The following CUL4A variants were observed in gnomAD, a reference collection of about 807,000 sequenced individuals.
CUL4A encodes cullin 4A.
Under a neutral mutation model 95.5 loss-of-function variants are expected in CUL4A, and 16 were observed. That is an observed-to-expected ratio of 0.17 (90% CI 0.11 to 0.25). The LOEUF (loss-of-function observed/expected upper bound fraction) is 0.25. CUL4A is among the 10% of genes least tolerant of loss of function. The pLI, the probability that CUL4A is intolerant of heterozygous loss-of-function variation, is 1.00. For missense variants in CUL4A, 610 were observed against 937.0 expected (o/e 0.65, Z 4.56); for synonymous variants, 380 against 353.1 (o/e 1.08, Z -0.85).
chr13:113,249,748 C>T (rs2041947337), intron 15 of CUL4A, among the ~76,000 whole-genome samples: 1 of 152,146 alleles, frequency 6.6e-6, no homozygotes, highest in Admixed American at 6.5e-5. Flanking sequence ...CCCACCTTCT[C>T]ACCTACACCT....
At position 113,265,743 on chromosome 13, in the gene CUL4A, T is replaced by C. The variant is rs1362702811; in HGVS notation, c.*2161T>C. 1 of 152,244 alleles carries C rather than the reference T, an allele frequency of 6.6e-6. No individual in the cohort carries two copies. The highest frequency in any genetic ancestry group is 1.5e-5 in the Non-Finnish European group (1 of 68,044). The allele number at this position is 152,244 out of a possible 1,614,324, so 9.4% of individuals were successfully genotyped here. ...ATCTATTTATATCTATTCTCTTATT[T>C]AGCAATATTTAATGTTTTATTGTTA... On this transcript the variant is annotated 3_prime_UTR_variant, in exon 20 of 20. Coordinates refer to ENST00000375440, the MANE Select transcript of CUL4A (RefSeq NM_001008895.4).
chr13:113,222,289 C>T (rs909603505), intron 3 of CUL4A, among the ~76,000 whole-genome samples: 3 of 152,044 alleles, frequency 2.0e-5, no homozygotes, highest in Admixed American at 2.0e-4. Flanking sequence ...AGTTAGTGTG[C>T]CTGTGTGTGT....
chr13:113,258,705 A>T (rs550084685), intron 18 of CUL4A, among the ~76,000 whole-genome samples: 1 of 152,354 alleles, frequency 6.6e-6, no homozygotes, highest in African/African-American at 2.4e-5. Flanking sequence ...AGAGGATCAC[A>T]CACATTGACT....
chr13:113,241,981 CA>C (rs2041726289), intron 10 of CUL4A, among the ~76,000 whole-genome samples: 1 of 152,040 alleles, frequency 6.6e-6, no homozygotes, highest in African/African-American at 2.4e-5. Context: ...TAGTGCCCTA[CA>C]CAGACTTTTA....
In CUL4A at chr13:113,232,262, ACCCG is replaced by A. The variant is rs1417582388; in HGVS notation, c.513-911_513-908del. ...CACCACCATTACTGCTGCCACCACT[ACCCG>A]CCCACCACTATTACTGCTGCCACCA... On this transcript the variant is annotated intron_variant, in intron 5 of 19. Coordinates refer to ENST00000375440, the MANE Select transcript of CUL4A (RefSeq NM_001008895.4). Among the ~76,000 whole-genome samples, 141 of 122,450 alleles carry A rather than the reference ACCCG, an allele frequency of 1.2e-3. 49 individuals are homozygous for A. The highest frequency in any genetic ancestry group is 4.4e-3 in the African/African-American group (129 of 29,630). 80.3% of individuals were successfully genotyped at this position (122,450 alleles called of 152,430 possible).
Position 113,209,787 on chromosome 13 carries a change from G to A in CUL4A, c.148+12G>A. The A allele has an allele frequency of 8.5e-7, 1 of 1,177,850 alleles. No homozygotes were observed. Among genetic ancestry groups the A allele is most frequent in the Non-Finnish European group, 1.0e-6 (1 of 953,190 alleles). 73.0% of individuals were successfully genotyped at this position (1,177,850 alleles called of 1,614,324 possible). A position where few individuals can be genotyped will look rare whatever the true frequency, so the allele number is the denominator to read the frequency against. On this transcript the variant is annotated intron_variant, in intron 1 of 19. Transcript: ENST00000375440. ...CAAGAACTTCCGAGGTGGGTGCGGC[G>A]GCCGGGTCGAGGGCCAGGCGCCCCG...
intron 14 of CUL4A, among the ~76,000 whole-genome samples, chr13:113,245,571 A>G (rs552225339): frequency 1.3e-5 from 2 of 152,336 alleles, no homozygotes; most frequent in African/African-American, 4.8e-5. Context: ...TAGATAGATA[A>G]TACATAGACA....
intron 5 of CUL4A, among the ~76,000 whole-genome samples, chr13:113,232,543 G>C (rs1052050242): frequency 1.3e-5 from 2 of 152,248 alleles, no homozygotes; most frequent in African/African-American, 2.4e-5. Context: ...GACAGTAGGA[G>C]TGTTGAAGCA....
At position 113,238,710 on chromosome 13, in the gene CUL4A, A is replaced by G. The variant is rs77574862; in HGVS notation, c.917-723A>G. Among the ~76,000 whole-genome samples the G allele has an allele frequency of 7.7e-3, 1,178 of 152,310 alleles. 20 individuals carry two copies. The highest frequency in any genetic ancestry group is 0.026 in the African/African-American group (1,101 of 41,552). ...TTTGGAGCTCTAGGTGAGGATTGTA[A>G]TTATAGCCCCACCATGTGTTTGCGC... On this transcript the variant is annotated intron_variant, in intron 9 of 19. Coordinates refer to ENST00000375440, the MANE Select transcript of CUL4A (RefSeq NM_001008895.4).
At chr13:113,216,914 A>G (rs1294182107) in intron 2 of CUL4A, among the ~76,000 whole-genome samples, 1 of 152,218 alleles carries the variant, frequency 6.6e-6, no homozygotes, top group East Asian at 1.9e-4. Flanking sequence ...AGGGCTTGCC[A>G]CTTGTTTTGA....
In CUL4A at chr13:113,229,487, T is replaced by C. The variant is rs1398946917; in HGVS notation, c.480T>C (p.Tyr160=). Reference sequence around the variant, plus strand: ...TCTTCCTGTTCTTGGACCGCACCTATGTGCTGCAGAACTCCACGCTGCCCT... The same window carrying C: ...TCTTCCTGTTCTTGGACCGCACCTACGTGCTGCAGAACTCCACGCTGCCCT... ...RSIFLFLDRT[Y]VLQNSTLPSI... is the part of the protein sequence containing the mutation. The change falls in exon 5 of 20, where the codon TAT becomes TAC. Residue 160 remains tyrosine, a synonymous_variant. Coordinates refer to ENST00000375440, the MANE Select transcript of CUL4A (RefSeq NM_001008895.4). 4 of 1,613,648 alleles carry C rather than the reference T, an allele frequency of 2.5e-6. No homozygotes were observed. The highest frequency in any genetic ancestry group is 1.3e-5 in the African/African-American group (1 of 74,956).
intron 2 of CUL4A, among the ~76,000 whole-genome samples, chr13:113,211,854 C>A (rs941918371): frequency 6.6e-5 from 10 of 152,148 alleles, no homozygotes; most frequent in African/African-American, 2.4e-4. Context: ...CTTGTTTTTG[C>A]AAGTGACTGC....
chr13:113,211,144 T>TA (rs1357597529), intron 2 of CUL4A, among the ~76,000 whole-genome samples: 1 of 152,384 alleles, frequency 6.6e-6, no homozygotes, highest in African/African-American at 2.4e-5. Context: ...CCCTGACTCC[T>TA]AGCCCTTGGC....
At chr13:113,208,511 A>G, upstream of CUL4A, 1 of 1,555,638 alleles carries the variant, frequency 6.4e-7, no homozygotes, top group South Asian at 1.2e-5. Context: ...CGGGAAAGGA[A>G]AAGGCCTGAG....
chr13:113,232,183 A>ACTG (rs144952878), intron 5 of CUL4A, among the ~76,000 whole-genome samples: 1 of 1,582 alleles, frequency 6.3e-4, no homozygotes, highest in African/African-American at 8.0e-4. Flanking sequence ...CACCACCATT[A>ACTG]CTGCTGCCAC....
At chr13:113,208,936 T>C, upstream of CUL4A, 2 of 1,298,306 alleles carry the variant, frequency 1.5e-6, no homozygotes, top group East Asian at 7.2e-5. Context: ...ACGGCTAAAC[T>C]GCCTTTCACT....
chr13:113,209,920 G>C, intron 1 of CUL4A, 53 bp from the exon 2 acceptor site: 1 of 1,386,756 alleles, frequency 7.2e-7, no homozygotes, highest in South Asian at 1.5e-5. Context: ...GGGTGGCTAC[G>C]CGGGGCGCTT....
Position 113,246,059 on chromosome 13 carries a change from C to T in CUL4A, c.1634C>T (p.Pro545Leu). 1 of 1,611,696 alleles carries T rather than the reference C, an allele frequency of 6.2e-7. No homozygotes were observed. Among genetic ancestry groups the T allele is most frequent in the Non-Finnish European group, 8.5e-7 (1 of 1,178,324 alleles). Reference protein sequence around the residue: ...TYTPMEVHLTPEMIKLQEVFK... With the variant: ...TYTPMEVHLTLEMIKLQEVFK... ...ACGCCCATGGAAGTGCACTTAACCC[C>T]AGAAGTAAGTGTGCAGAAAGCATGC... is the stretch of plus-strand genomic sequence containing the variant. Residue 545 changes from proline to leucine, a missense_variant, in exon 15 of 20, where the codon CCA (proline) becomes CTA (leucine). Physicochemically the swap from Pro to Leu is moderately conservative, Grantham distance 98 (BLOSUM62 -3). Coordinates refer to ENST00000375440, the MANE Select transcript of CUL4A (RefSeq NM_001008895.4).
intron 15 of CUL4A, among the ~76,000 whole-genome samples, chr13:113,246,289 G>A (rs1595410208): frequency 6.6e-6 from 1 of 152,212 alleles, no homozygotes; most frequent in Non-Finnish European, 1.5e-5. Flanking sequence ...TGACCTGCAG[G>A]GGGCCCATGA....
Sources: allele counts gnomAD v4.1 joint callset (sites outside exome capture counted in the v4.1 genomes callset), GRCh38; gene constraint gnomAD v4.1.1; transcripts MANE v1.5; gene names NCBI Gene and HGNC (gene_info 2026-07-23, HGNC 2026-07-21).